GRIN2A: variants seen among roughly 807,000 people sequenced by gnomAD.
GRIN2A encodes glutamate receptor ionotropic, NMDA 2A.
GRIN2A carries 22 observed loss-of-function variants against 113.4 expected under a neutral mutation model. The observed-to-expected ratio is 0.19, with a 90% CI of 0.14 to 0.28. The LOEUF (loss-of-function observed/expected upper bound fraction) is 0.28, where lower values mean the gene tolerates loss of function less well. GRIN2A is among the 10% of genes least tolerant of loss of function. GRIN2A has a pLI of 1.00. For missense variants in GRIN2A, 1,502 were observed against 1,887.0 expected, an observed-to-expected ratio of 0.80 and a Z score of 3.78; for synonymous variants, 827 against 738.4, an observed-to-expected ratio of 1.12 and a Z score of -1.94.
intron 2 of GRIN2A, among the ~76,000 whole-genome samples, chr16:10,134,271 T>A (rs543858940): frequency 4.9e-4 from 74 of 149,942 alleles, no homozygotes; most frequent in African/African-American, 1.7e-3. Flanking sequence ...CTAGAAATAA[T>A]CCTCTCCCAT....
At chr16:9,963,278 A>T (rs540602692) in intron 2 of GRIN2A, among the ~76,000 whole-genome samples, 3 of 152,110 alleles carry the variant, frequency 2.0e-5, no homozygotes, top group South Asian at 2.1e-4. Context: ...ATAAAAAAAA[A>T]TTTTACTCTA....
intron 2 of GRIN2A, among the ~76,000 whole-genome samples, chr16:9,993,371 G>C (rs1414297788): frequency 2.0e-5 from 3 of 151,982 alleles, no homozygotes; most frequent in Non-Finnish European, 4.4e-5. Context: ...GCAACATAGT[G>C]AAACCCCATC....
chr16:9,891,182 G>T, intron 3 of GRIN2A, 82 bp from the exon 4 acceptor site: 1 of 806,688 alleles, frequency 1.2e-6, no homozygotes, highest in Non-Finnish European at 2.2e-6. Flanking sequence ...ACCATTAATG[G>T]AATACTGAAA....
chr16:10,024,605 T>C (rs1596434652), intron 2 of GRIN2A, among the ~76,000 whole-genome samples: 1 of 152,222 alleles, frequency 6.6e-6, no homozygotes, highest in East Asian at 1.9e-4. Flanking sequence ...CCATTGCCGC[T>C]TAGAGATCAC....
At chr16:9,811,162 G>C (rs79355389) in intron 10 of GRIN2A, among the ~76,000 whole-genome samples, 2,843 of 152,256 alleles carry the variant, frequency 0.019, 94 homozygotes, top group African/African-American at 0.065. Flanking sequence ...TCATGGGTGA[G>C]AGCAACTTCG....
intron 4 of GRIN2A, among the ~76,000 whole-genome samples, chr16:9,852,129 A>C (rs932203760): frequency 6.6e-6 from 1 of 152,202 alleles, no homozygotes; most frequent in African/African-American, 2.4e-5. Context: ...CATGGTAAGC[A>C]TTATTATTCC....
chr16:10,156,923 G>T (rs1033545715), intron 2 of GRIN2A, among the ~76,000 whole-genome samples: 6 of 152,200 alleles, frequency 3.9e-5, no homozygotes, highest in African/African-American at 1.4e-4. Context: ...GTGAAAGAAA[G>T]AACAAGTTAT....
chr16:9,850,927 TCTC>T (rs1354221144), intron 4 of GRIN2A, among the ~76,000 whole-genome samples: 2 of 152,170 alleles, frequency 1.3e-5, no homozygotes, highest in Non-Finnish European at 2.9e-5. Context: ...CTTTCTCCCT[TCTC>T]CTCCTGCTCC....
chr16:9,824,361 G>A (rs1039615275), intron 9 of GRIN2A, among the ~76,000 whole-genome samples: 3 of 152,212 alleles, frequency 2.0e-5, no homozygotes, highest in Non-Finnish European at 2.9e-5. Flanking sequence ...CCGCCTGCTC[G>A]GGAGGAGAGA....
chr16:9,952,545 C>T (rs1259758003), intron 2 of GRIN2A, among the ~76,000 whole-genome samples: 1 of 152,154 alleles, frequency 6.6e-6, no homozygotes, highest in East Asian at 1.9e-4. Context: ...CTCTGGCTCA[C>T]AATGAGAAAT....
chr16:9,893,491 G>C (rs921736277), intron 3 of GRIN2A, among the ~76,000 whole-genome samples: 74 of 152,110 alleles, frequency 4.9e-4, no homozygotes, highest in African/African-American at 1.7e-3. Flanking sequence ...TTTTAAGACG[G>C]AGTCTCACTC....
In GRIN2A at chr16:10,000,604, A is replaced by G. The variant is rs142042841; in HGVS notation, c.415-62053T>C. Among the ~76,000 whole-genome samples the G allele has an allele frequency of 6.1e-3, 924 of 151,996 alleles. 6 individuals carry two copies. The highest frequency in any genetic ancestry group is 9.8e-3 in the Non-Finnish European group (669 of 67,946). On this transcript the variant is annotated intron_variant, in intron 2 of 12. Coordinates refer to ENST00000330684, the MANE Select transcript of GRIN2A (RefSeq NM_001134407.3). ...TGGAATAAGGGAGGAAACAGAGGAG[A>G]GAGAACAGTGTTCTGGGTACCTTGG...
intron 9 of GRIN2A, among the ~76,000 whole-genome samples, chr16:9,825,723 C>G (rs1188281587): frequency 6.6e-6 from 1 of 152,092 alleles, no homozygotes; most frequent in Non-Finnish European, 1.5e-5. Flanking sequence ...CAGGTGTGTC[C>G]TTGAGCAGAG....
intron 2 of GRIN2A, among the ~76,000 whole-genome samples, chr16:10,043,495 A>G (rs1274710817): frequency 6.6e-6 from 1 of 152,132 alleles, no homozygotes; most frequent in Non-Finnish European, 1.5e-5. Context: ...ATGCCTTCCA[A>G]AGCAGGACAG....
chr16:10,167,608 T>A (rs1381163412), intron 2 of GRIN2A, among the ~76,000 whole-genome samples: 1 of 152,178 alleles, frequency 6.6e-6, no homozygotes, highest in African/African-American at 2.4e-5. Context: ...CATAGCCACC[T>A]CCATGGAAGG....
At position 9,962,591 on chromosome 16, in the gene GRIN2A, A is replaced by T. The variant is rs1389730610; in HGVS notation, c.415-24040T>A. On this transcript the variant is annotated intron_variant, in intron 2 of 12. Transcript: ENST00000330684. ...CCATCTCACACCAGTTAGAATGGCGATCATTAAAAAGTCAGGAAACAACAG... is the reference window on the plus strand; with the variant it reads ...CCATCTCACACCAGTTAGAATGGCGTTCATTAAAAAGTCAGGAAACAACAG... 2.0e-5 allele frequency among the ~76,000 whole-genome samples: 3 copies of T among 152,306 alleles called. No individual in the cohort carries two copies. In the East Asian group the frequency reaches 5.8e-4, roughly 29 times the overall value.
At chr16:10,142,266 G>A (rs926229201) in intron 2 of GRIN2A, among the ~76,000 whole-genome samples, 1 of 152,164 alleles carries the variant, frequency 6.6e-6, no homozygotes, top group African/African-American at 2.4e-5. Flanking sequence ...CAGGGTTAAG[G>A]TTAGCTGCAG....
rs1567268401 is a variant in GRIN2A at position 10,058,269 on chromosome 16, AC to A, written c.415-119719del. 9.2e-4 allele frequency among the ~76,000 whole-genome samples: 139 copies of A among 151,530 alleles called. 1 individual carries two copies. The highest frequency in any genetic ancestry group is 3.3e-3 in the African/African-American group (137 of 41,160). On this transcript the variant is annotated intron_variant, in intron 2 of 12. Transcript: ENST00000330684. ...ACACTGTCTCAAAAAAAACCAAAAA[AC>A]AAAAAAACCAAAAAACAAAAAAACA...
At chr16:9,911,742 C>G (rs1338080108) in intron 3 of GRIN2A, among the ~76,000 whole-genome samples, 3 of 152,126 alleles carry the variant, frequency 2.0e-5, no homozygotes, top group African/African-American at 7.2e-5. Context: ...CAGGGAGAAG[C>G]ACATGATTAT....
Sources: gnomAD v4.1 joint callset for allele counts (sites outside exome capture counted in the v4.1 genomes callset) on GRCh38, gnomAD v4.1.1 for gene constraint, MANE v1.5 for transcripts, NCBI Gene and HGNC (gene_info 2026-07-23, HGNC 2026-07-21) for gene names.